CACNA2D2: variants seen among roughly 807,000 people sequenced by gnomAD.
CACNA2D2 encodes voltage-dependent calcium channel subunit alpha-2/delta-2.
Under a neutral mutation model 166.4 loss-of-function variants are expected in CACNA2D2, and 48 were observed. The observed-to-expected ratio is 0.29, with a 90% CI of 0.23 to 0.37. The LOEUF is 0.37. CACNA2D2 is among the 10% of genes least tolerant of loss of function. The probability of loss-of-function intolerance (pLI) is 1.00; values close to 1 mark genes in which losing one functional copy is unlikely to be tolerated. For missense variants in CACNA2D2, 1,122 were observed against 1,433.0 expected, an observed-to-expected ratio of 0.78 and a Z score of 3.50; for synonymous variants, 561 against 573.7, an observed-to-expected ratio of 0.98 and a Z score of 0.32.
chr3:50,485,273 G>A (rs566592292), intron 1 of CACNA2D2, among the ~76,000 whole-genome samples: 14 of 151,828 alleles, frequency 9.2e-5, no homozygotes, highest in African/African-American at 2.2e-4. Context: ...TCTGGTTCCC[G>A]GAGCCAGACT....
At chr3:50,474,613 G>A (rs145481805) in intron 2 of CACNA2D2, among the ~76,000 whole-genome samples, 44 of 152,288 alleles carry the variant, frequency 2.9e-4, no homozygotes, top group African/African-American at 9.4e-4. Context: ...AAAGGTTTGA[G>A]GCATGAAGGA....
intron 2 of CACNA2D2, among the ~76,000 whole-genome samples, chr3:50,457,082 T>C (rs1709393076): frequency 6.6e-6 from 1 of 152,136 alleles, no homozygotes; most frequent in Non-Finnish European, 1.5e-5. Flanking sequence ...AAACCCTGTC[T>C]CTACTAAAAA....
chr3:50,468,712 T>A (rs1386167158), intron 2 of CACNA2D2, among the ~76,000 whole-genome samples: 6 of 151,984 alleles, frequency 3.9e-5, no homozygotes, highest in Non-Finnish European at 7.4e-5. Flanking sequence ...AGCTCTGGCC[T>A]CAGCCACTCT....
At chr3:50,470,638 C>A (rs1298333410) in intron 2 of CACNA2D2, among the ~76,000 whole-genome samples, 2 of 151,624 alleles carry the variant, frequency 1.3e-5, no homozygotes, top group Non-Finnish European at 2.9e-5. Flanking sequence ...AACAGCCACT[C>A]CCCATCCAAT....
At chr3:50,435,151 G>A (rs947988763) in intron 2 of CACNA2D2, among the ~76,000 whole-genome samples, 2 of 151,964 alleles carry the variant, frequency 1.3e-5, no homozygotes, top group African/African-American at 2.4e-5. Flanking sequence ...GTGTGTGTGT[G>A]TGTGAGGGCT....
At chr3:50,462,534 G>A (rs1488567807) in intron 2 of CACNA2D2, among the ~76,000 whole-genome samples, 1 of 152,052 alleles carries the variant, frequency 6.6e-6, no homozygotes, top group Non-Finnish European at 1.5e-5. Flanking sequence ...GTTCTGAATT[G>A]CATTTGCTGG....
chr3:50,465,281 T>C (rs1302577588), intron 2 of CACNA2D2, among the ~76,000 whole-genome samples: 3 of 152,274 alleles, frequency 2.0e-5, no homozygotes, highest in African/African-American at 7.2e-5. Context: ...AAGTTTTCCC[T>C]GGTGTGAAAG....
In CACNA2D2 at chr3:50,363,482, G is replaced by T; in HGVS notation, c.*1184C>A. 2.8e-6 allele frequency: 1 copy of T among 355,782 alleles called. No homozygotes were observed. The highest frequency in any genetic ancestry group is 9.8e-5 in the East Asian group (1 of 10,202). The allele number at this position is 355,782 out of a possible 1,614,324, so 22.0% of individuals were successfully genotyped here. Reference sequence around the variant, plus strand: ...AGTCCCCACCTGTGTGTGTGTGTGTGTGTGTGTGTTCAGCAAGGGAGGGAC... The same window carrying T: ...AGTCCCCACCTGTGTGTGTGTGTGTTTGTGTGTGTTCAGCAAGGGAGGGAC... On this transcript the variant is annotated 3_prime_UTR_variant, in exon 38 of 38. Transcript: ENST00000424201.
chr3:50,482,698 G>T (rs1221512899), intron 1 of CACNA2D2, among the ~76,000 whole-genome samples: 2 of 152,172 alleles, frequency 1.3e-5, no homozygotes, highest in Non-Finnish European at 2.9e-5. Context: ...CTTAGACTGT[G>T]GCCTCCAGGT....
At chr3:50,432,196 C>T (rs1708103102) in intron 3 of CACNA2D2, among the ~76,000 whole-genome samples, 1 of 151,920 alleles carries the variant, frequency 6.6e-6, no homozygotes, top group Non-Finnish European at 1.5e-5. Flanking sequence ...TTGATTGTTC[C>T]TTTAGGGGTG....
chr3:50,400,831 G>C (rs1706412189), intron 3 of CACNA2D2, among the ~76,000 whole-genome samples: 1 of 152,168 alleles, frequency 6.6e-6, no homozygotes, highest in Non-Finnish European at 1.5e-5. Flanking sequence ...TAACAAATTT[G>C]TTATAGTTTT....
chr3:50,364,315 T>TC lies in CACNA2D2; in HGVS notation c.*350dup, dbSNP rs1163052173. The stretch of plus-strand genomic sequence containing the variant: ...AGAGGCCGGGTCAGCTGAGGCAGGG[T>TC]CCCCCCCAACATAGGCAGCCTCCAG... On this transcript the variant is annotated 3_prime_UTR_variant, in exon 38 of 38. Transcript: ENST00000424201. 10 of 287,144 alleles carry TC rather than the reference T, an allele frequency of 3.5e-5. No individual in the cohort carries two copies. Among genetic ancestry groups the TC allele is most frequent in the East Asian group, 1.9e-4 (3 of 16,096 alleles). 17.8% of individuals were successfully genotyped at this position (287,144 alleles called of 1,614,324 possible).
intron 3 of CACNA2D2, among the ~76,000 whole-genome samples, chr3:50,422,042 C>A (rs1300721342): frequency 6.6e-6 from 1 of 152,122 alleles, no homozygotes; most frequent in East Asian, 1.9e-4. Flanking sequence ...GCCAGAGATC[C>A]CCTGACCCAA....
chr3:50,447,891 G>A (rs1238663664), intron 2 of CACNA2D2, among the ~76,000 whole-genome samples: 1 of 152,132 alleles, frequency 6.6e-6, no homozygotes, highest in Non-Finnish European at 1.5e-5. Context: ...TCAGGGCTCA[G>A]GTACGCTCTT....
chr3:50,491,807 T>C (rs1698534605), intron 1 of CACNA2D2, among the ~76,000 whole-genome samples: 1 of 152,178 alleles, frequency 6.6e-6, no homozygotes, highest in South Asian at 2.1e-4. Flanking sequence ...TTTCCTCATG[T>C]GACAGGTGGG....
chr3:50,471,368 G>C (rs1363308883), intron 2 of CACNA2D2, among the ~76,000 whole-genome samples: 2 of 152,156 alleles, frequency 1.3e-5, no homozygotes, highest in Non-Finnish European at 2.9e-5. Context: ...TCTGGTGAGG[G>C]GACCTTCTGT....
At chr3:50,460,143 TA>T (rs1392458959) in intron 2 of CACNA2D2, among the ~76,000 whole-genome samples, 16 of 152,342 alleles carry the variant, frequency 1.1e-4, no homozygotes, top group Non-Finnish European at 2.4e-4. Context: ...GCCTGTTTTT[TA>T]AAATTAAAGA....
At chr3:50,423,812 C>T (rs1707682683) in intron 3 of CACNA2D2, among the ~76,000 whole-genome samples, 1 of 152,258 alleles carries the variant, frequency 6.6e-6, no homozygotes, top group African/African-American at 2.4e-5. Flanking sequence ...AAGCTTCGAG[C>T]AGCTGGATAC....
At chr3:50,405,434 A>G (rs1303444237) in intron 3 of CACNA2D2, among the ~76,000 whole-genome samples, 2 of 152,122 alleles carry the variant, frequency 1.3e-5, no homozygotes, top group Non-Finnish European at 2.9e-5. Flanking sequence ...TTGGGCGAAG[A>G]CTTTCAGCAC....
Sources: gnomAD v4.1 joint callset for allele counts (sites outside exome capture counted in the v4.1 genomes callset) on GRCh38, gnomAD v4.1.1 for gene constraint, MANE v1.5 for transcripts, NCBI Gene and HGNC (gene_info 2026-07-23, HGNC 2026-07-21) for gene names.